Variants in LINGO2 observed in about 807,000 individuals in gnomAD.
LINGO2 encodes the protein leucine rich repeat and Ig domain containing 2.
Under a neutral mutation model 30.6 loss-of-function variants are expected in LINGO2, and 14 were observed. That is an observed-to-expected ratio of 0.46 (90% CI 0.30 to 0.72). The LOEUF is 0.72. Among genes scored for constraint, LINGO2 ranks in the 30% least tolerant of loss-of-function variants. LINGO2 has a pLI of 0.07. For synonymous variants in LINGO2, 317 were observed against 288.5 expected, an observed-to-expected ratio of 1.10 and a Z score of -1.00; for missense variants, 729 against 751.7, an observed-to-expected ratio of 0.97 and a Z score of 0.35.
At chr9:28,459,699 G>A (rs2135114456) in intron 2 of LINGO2, among the ~76,000 whole-genome samples, 2 of 151,796 alleles carry the variant, frequency 1.3e-5, no homozygotes, top group Middle Eastern at 6.8e-3. Flanking sequence ...ATGGTACCAA[G>A]TAAATATATT....
chr9:28,975,648 A>T, the LINGO2 span, among the ~76,000 whole-genome samples: 1 of 152,176 alleles, frequency 6.6e-6, no homozygotes, highest in Non-Finnish European at 1.5e-5. Flanking sequence ...ATGGGTCTTA[A>T]TATTCTATTA....
At chr9:28,932,665 TCCTCC>T in the LINGO2 span, among the ~76,000 whole-genome samples, 6,257 of 152,174 alleles carry the variant, frequency 0.041, 198 homozygotes, top group Admixed American at 0.082. Flanking sequence ...AGCCTGTGCC[TCCTCC>T]TATATTATCA....
chr9:28,309,742 C>T lies in LINGO2; in HGVS notation c.-245-14376G>A, dbSNP rs138276937. Among the ~76,000 whole-genome samples, 222 of 151,406 alleles carry T rather than the reference C, an allele frequency of 1.5e-3. 4 individuals are homozygous for T. Among genetic ancestry groups the T allele is most frequent in the South Asian group, 3.8e-3 (18 of 4,772 alleles). On this transcript the variant is annotated intron_variant, in intron 3 of 5. Transcript: ENST00000379992. ...AGAAAATGAAAAGAAAAGCCACAAA[C>T]CAGGGGAAAATATATGCAAGTTACA...
the LINGO2 span, among the ~76,000 whole-genome samples, chr9:28,968,095 T>C: frequency 6.6e-6 from 1 of 152,152 alleles, no homozygotes; most frequent in Non-Finnish European, 1.5e-5. Flanking sequence ...AACTTTATAA[T>C]GGACTAATGA....
the LINGO2 span, among the ~76,000 whole-genome samples, chr9:29,026,042 CT>C: frequency 6.6e-6 from 1 of 151,260 alleles, no homozygotes; most frequent in Non-Finnish European, 1.5e-5. Context: ...TTTTTCTTTT[CT>C]TTTTTTTGGA....
At chr9:28,558,726 G>T (rs1368496966) in intron 1 of LINGO2, among the ~76,000 whole-genome samples, 1 of 151,992 alleles carries the variant, frequency 6.6e-6, no homozygotes, top group Non-Finnish European at 1.5e-5. Context: ...TGTCATTTTA[G>T]CAGAAAGAAA....
intron 3 of LINGO2, among the ~76,000 whole-genome samples, chr9:28,349,820 C>T (rs1215672602): frequency 6.6e-6 from 1 of 151,966 alleles, no homozygotes; most frequent in Non-Finnish European, 1.5e-5. Flanking sequence ...ACCCTACAAG[C>T]CAGAAGAGAC....
chr9:28,684,316 T>C, the LINGO2 span, among the ~76,000 whole-genome samples: 1 of 145,644 alleles, frequency 6.9e-6, no homozygotes, highest in African/African-American at 2.5e-5. Flanking sequence ...GCCTCCAGAG[T>C]AGCTGGGACT....
chr9:28,986,114 A>G, the LINGO2 span, among the ~76,000 whole-genome samples: 1 of 152,012 alleles, frequency 6.6e-6, no homozygotes, highest in South Asian at 2.1e-4. Flanking sequence ...TGAAGAGGCT[A>G]TATTATTCTT....
At chr9:28,075,282 A>G (rs2133192968) in intron 4 of LINGO2, among the ~76,000 whole-genome samples, 1 of 152,164 alleles carries the variant, frequency 6.6e-6, no homozygotes, top group Non-Finnish European at 1.5e-5. Flanking sequence ...ATTCATGCTG[A>G]TATAAGTAGC....
At chr9:28,700,512 C>G in the LINGO2 span, among the ~76,000 whole-genome samples, 2 of 151,974 alleles carry the variant, frequency 1.3e-5, no homozygotes, top group Non-Finnish European at 2.9e-5. Context: ...GAATGGACCA[C>G]AGTTTAATTA....
intron 2 of LINGO2, among the ~76,000 whole-genome samples, chr9:28,393,629 T>C (rs533702391): frequency 2.9e-3 from 442 of 152,230 alleles, no homozygotes; most frequent in African/African-American, 0.01. Flanking sequence ...AAGAGGTAGA[T>C]AAATAGCGAT....
At chr9:28,524,392 A>C (rs1279770556) in intron 1 of LINGO2, among the ~76,000 whole-genome samples, 1 of 152,216 alleles carries the variant, frequency 6.6e-6, no homozygotes, top group African/African-American at 2.4e-5. Context: ...AGCACACATA[A>C]TAAAAGAGAT....
At chr9:28,413,013 T>C (rs1822830783) in intron 2 of LINGO2, among the ~76,000 whole-genome samples, 1 of 152,088 alleles carries the variant, frequency 6.6e-6, no homozygotes, top group African/African-American at 2.4e-5. Context: ...GTAAATACAT[T>C]TTCTCTTCCT....
At chr9:28,661,444 G>A (rs1007055787) in intron 1 of LINGO2, among the ~76,000 whole-genome samples, 3 of 152,004 alleles carry the variant, frequency 2.0e-5, no homozygotes, top group Non-Finnish European at 2.9e-5. Context: ...CCCATTGACC[G>A]GCCCATTGAC....
the LINGO2 span, among the ~76,000 whole-genome samples, chr9:28,822,854 G>A: frequency 6.6e-6 from 1 of 152,034 alleles, no homozygotes; most frequent in East Asian, 1.9e-4. Context: ...AATACATACT[G>A]AAAAAATTAA....
At chr9:27,950,478 C>T in exon 6 of LINGO2, 3 of 1,605,272 alleles carry the variant, frequency 1.9e-6, no homozygotes, top group Non-Finnish European at 2.6e-6. Context: ...CCTGTTTTTA[C>T]TGAGGTCCAA....
At chr9:28,288,275 A>T (rs1823591255) in intron 4 of LINGO2, among the ~76,000 whole-genome samples, 1 of 152,124 alleles carries the variant, frequency 6.6e-6, no homozygotes, top group Non-Finnish European at 1.5e-5. Context: ...TTCCTCAAAC[A>T]TAACGTTTAT....
rs146263483 is a variant in LINGO2, at chr9:28,106,439, C to T, written c.-86-94034G>A. On this transcript the variant is annotated intron_variant, in intron 4 of 5. Coordinates refer to ENST00000379992, the Ensembl canonical transcript of LINGO2. Reference sequence around the variant, plus strand: ...TTTTGATTGCCTTCTCTCCCCTCTCCGTGCCCCACCCCTAGGGGATACCAT... The same window carrying T: ...TTTTGATTGCCTTCTCTCCCCTCTCTGTGCCCCACCCCTAGGGGATACCAT... Among the ~76,000 whole-genome samples, 181 of 152,242 alleles carry T rather than the reference C, an allele frequency of 1.2e-3. 1 individual carries two copies. The highest frequency in any genetic ancestry group is 3.9e-3 in the African/African-American group (160 of 41,552).
Sources: gnomAD v4.1 joint callset for allele counts (sites outside exome capture counted in the v4.1 genomes callset) on GRCh38, gnomAD v4.1.1 for gene constraint, MANE v1.5 for transcripts, NCBI Gene and HGNC (gene_info 2026-07-23, HGNC 2026-07-21) for gene names.